Variants in SLC35F1 observed in about 807,000 individuals in gnomAD.
SLC35F1 encodes solute carrier family 35 member F1.
Under a neutral mutation model 48.7 loss-of-function variants are expected in SLC35F1, and 14 were observed. That is an observed-to-expected ratio of 0.29 (90% CI 0.19 to 0.45). SLC35F1 has a LOEUF of 0.45. Among genes scored for constraint, SLC35F1 ranks in the 20% least tolerant of loss-of-function variants. SLC35F1 has a pLI of 1.00. For missense variants in SLC35F1, 404 were observed against 500.0 expected, an observed-to-expected ratio of 0.81 and a Z score of 1.83; for synonymous variants, 190 against 202.2, an observed-to-expected ratio of 0.94 and a Z score of 0.51.
intron 2 of SLC35F1, among the ~76,000 whole-genome samples, chr6:118,183,611 A>G (rs563351840): frequency 5.3e-4 from 80 of 152,280 alleles, no homozygotes; most frequent in African/African-American, 1.9e-3. Flanking sequence ...CCATCAAGAA[A>G]CACCCTTTAA....
chr6:117,935,342 T>A (rs1401917223), intron 1 of SLC35F1, among the ~76,000 whole-genome samples: 1 of 152,216 alleles, frequency 6.6e-6, no homozygotes. Flanking sequence ...AGTAAGCAAA[T>A]ACTGAATTCA....
intron 1 of SLC35F1, among the ~76,000 whole-genome samples, chr6:118,010,674 T>C (rs1381102771): frequency 6.6e-6 from 1 of 152,174 alleles, no homozygotes; most frequent in Non-Finnish European, 1.5e-5. Flanking sequence ...TTCAGTGCTT[T>C]TATTATTGTT....
chr6:118,286,091 C>T (rs568125685), intron 7 of SLC35F1, among the ~76,000 whole-genome samples: 1 of 152,278 alleles, frequency 6.6e-6, no homozygotes, highest in Non-Finnish European at 1.5e-5. Flanking sequence ...ATACCACTTG[C>T]CATTCCTTAA....
At chr6:118,049,945 G>A (rs1582638692) in intron 1 of SLC35F1, among the ~76,000 whole-genome samples, 1 of 152,232 alleles carries the variant, frequency 6.6e-6, no homozygotes, top group African/African-American at 2.4e-5. Context: ...ATTCACAGTA[G>A]CAAAGACTTG....
intron 1 of SLC35F1, 34 bp downstream of exon 1, chr6:117,907,933 C>A: frequency 4.6e-6 from 6 of 1,297,276 alleles, no homozygotes; most frequent in Non-Finnish European, 5.8e-6. Flanking sequence ...GCGCGGGGGG[C>A]GGGGGCTGCG....
intron 1 of SLC35F1, among the ~76,000 whole-genome samples, chr6:118,008,833 A>C (rs2114874464): frequency 6.6e-6 from 1 of 152,274 alleles, no homozygotes; most frequent in Non-Finnish European, 1.5e-5. Context: ...CCACTGTCTA[A>C]ACTCCCTCTG....
At chr6:118,173,760 C>T (rs1774445947) in intron 2 of SLC35F1, among the ~76,000 whole-genome samples, 1 of 152,046 alleles carries the variant, frequency 6.6e-6, no homozygotes, top group African/African-American at 2.4e-5. Flanking sequence ...ACATTTCAGG[C>T]AGAGAAAGAG....
chr6:117,997,162 G>T (rs1405994088), intron 1 of SLC35F1, among the ~76,000 whole-genome samples: 1 of 152,118 alleles, frequency 6.6e-6, no homozygotes, highest in Non-Finnish European at 1.5e-5. Context: ...TCAACTGGAA[G>T]AAAGGGTATC....
At chr6:117,916,184 A>G (rs770380244) in intron 1 of SLC35F1, among the ~76,000 whole-genome samples, 1 of 152,222 alleles carries the variant, frequency 6.6e-6, no homozygotes, top group Non-Finnish European at 1.5e-5. Context: ...GTAAGCATTT[A>G]GAAATAACTG....
At chr6:118,099,034 C>T (rs1773219307) in intron 1 of SLC35F1, among the ~76,000 whole-genome samples, 1 of 152,106 alleles carries the variant, frequency 6.6e-6, no homozygotes, top group Non-Finnish European at 1.5e-5. Context: ...GAGAAAGTTG[C>T]ATTAGGAAAT....
At chr6:118,223,993 C>T (rs568492389) in intron 2 of SLC35F1, among the ~76,000 whole-genome samples, 3 of 152,260 alleles carry the variant, frequency 2.0e-5, no homozygotes, top group Admixed American at 6.5e-5. Flanking sequence ...CTGCTAATGT[C>T]GGGAGACATC....
In SLC35F1 at chr6:117,921,792, A is replaced by G. The variant is rs555703902; in HGVS notation, c.173+13893A>G. Among the ~76,000 whole-genome samples the G allele has an allele frequency of 5.9e-5, 9 of 152,360 alleles. No homozygotes were observed. The South Asian group carries it at 1.9e-3, about 32-fold the overall frequency. ...AGAGCATGCCTTCCACAATGATGGAAGAAAAACACCATTTAATGCATTTAT... is the reference window on the plus strand; with the variant it reads ...AGAGCATGCCTTCCACAATGATGGAGGAAAAACACCATTTAATGCATTTAT... On this transcript the variant is annotated intron_variant, in intron 1 of 7. Coordinates refer to ENST00000360388, the MANE Select transcript of SLC35F1 (RefSeq NM_001029858.4).
At chr6:118,181,521 G>A (rs955598866) in intron 2 of SLC35F1, among the ~76,000 whole-genome samples, 2 of 152,112 alleles carry the variant, frequency 1.3e-5, no homozygotes, top group South Asian at 4.1e-4. Flanking sequence ...CAAGAGAAGG[G>A]AAAATGTGCA....
At chr6:117,966,471 A>G (rs1776572867) in intron 1 of SLC35F1, among the ~76,000 whole-genome samples, 1 of 152,106 alleles carries the variant, frequency 6.6e-6, no homozygotes, top group Admixed American at 6.5e-5. Context: ...CGCTGCCTTT[A>G]TGAACTGTAA....
intron 2 of SLC35F1, among the ~76,000 whole-genome samples, chr6:118,211,592 GAAC>G (rs1775001438): frequency 6.6e-6 from 1 of 152,186 alleles, no homozygotes; most frequent in South Asian, 2.1e-4. Context: ...ATCAATTGGA[GAAC>G]AACAACCAGG....
intron 1 of SLC35F1, among the ~76,000 whole-genome samples, chr6:118,012,294 G>A (rs1777258855): frequency 6.7e-6 from 1 of 148,776 alleles, no homozygotes; most frequent in African/African-American, 2.5e-5. Flanking sequence ...TGGAGCTATT[G>A]TAGGAAACAG....
At chr6:118,004,354 A>G (rs570243927) in intron 1 of SLC35F1, among the ~76,000 whole-genome samples, 22 of 152,204 alleles carry the variant, frequency 1.4e-4, no homozygotes, top group Non-Finnish European at 2.5e-4. Flanking sequence ...TGTCTGTTTT[A>G]TCACTGAGAG....
chr6:118,081,496 A>G (rs913121161), intron 1 of SLC35F1, among the ~76,000 whole-genome samples: 10 of 152,044 alleles, frequency 6.6e-5, no homozygotes, highest in African/African-American at 1.7e-4. Flanking sequence ...ATAGCTAGGC[A>G]TGGTGGCATG....
intron 2 of SLC35F1, among the ~76,000 whole-genome samples, chr6:118,175,032 C>T (rs1289857019): frequency 2.0e-5 from 3 of 152,102 alleles, no homozygotes; most frequent in African/African-American, 7.2e-5. Flanking sequence ...CGGAAGATTG[C>T]TTTCAGCCAC....
Sources: gnomAD v4.1 joint callset for allele counts (sites outside exome capture counted in the v4.1 genomes callset) on GRCh38, gnomAD v4.1.1 for gene constraint, MANE v1.5 for transcripts, NCBI Gene and HGNC (gene_info 2026-07-23, HGNC 2026-07-21) for gene names.